KIF24: variants seen among roughly 807,000 people sequenced by gnomAD.
KIF24 encodes kinesin family member 24.
A neutral mutation model predicts 118.9 loss-of-function variants in KIF24; 81 were observed. The ratio of observed to expected loss-of-function variants is 0.68; its 90% confidence interval spans 0.57 to 0.82. The LOEUF is 0.82. Among genes scored for constraint, KIF24 ranks in the 40% least tolerant of loss-of-function variants. The pLI, the probability that KIF24 is intolerant of heterozygous loss-of-function variation, is 0.00. For synonymous variants in KIF24, 599 were observed against 610.0 expected (o/e 0.98, Z 0.27); for missense variants, 1,560 against 1,661.6 (o/e 0.94, Z 1.06).
At chr9:34,292,002 C>A (rs1039742525) in intron 4 of KIF24, among the ~76,000 whole-genome samples, 1 of 152,160 alleles carries the variant, frequency 6.6e-6, no homozygotes, top group African/African-American at 2.4e-5. Flanking sequence ...TGGTCTTCAC[C>A]TTAAAACAGT....
chr9:34,284,407 C>T (rs1303540463), intron 6 of KIF24, among the ~76,000 whole-genome samples: 1 of 152,140 alleles, frequency 6.6e-6, no homozygotes, highest in Non-Finnish European at 1.5e-5. Context: ...AGCTGCAATG[C>T]TCCAAATAAC....
At chr9:34,306,173 G>A (rs1211424405) in intron 3 of KIF24, 79 bp downstream of exon 3, 1 of 883,282 alleles carries the variant, frequency 1.1e-6, no homozygotes, top group Non-Finnish European at 1.8e-6. Context: ...AAACTTGTAT[G>A]CCACCACTCA....
In KIF24 at chr9:34,257,339, A is replaced by T. The variant is rs1834891558; in HGVS notation, c.2268T>A (p.His756Gln). ...GCAGATGTTCCTCCCTCTCCTTCTG[A>T]TGTGGCGGGATGTTTGTCCAAGCTT... ...ASEAWTNIPP[H>Q]QKEREEHLRF... The change falls in exon 11 of 13, where the codon CAT (histidine) becomes CAA (glutamine). Residue 756 changes from histidine to glutamine, a missense_variant. This residue lies in a region of KIF24 where 964 missense variants were observed against 988.0 expected (regional missense o/e 0.98). Transcript: ENST00000402558. 1 of 1,613,878 alleles carries T rather than the reference A, an allele frequency of 6.2e-7. No homozygotes were observed.
chr9:34,311,081 T>C lies in KIF24; in HGVS notation c.266A>G (p.Glu89Gly). ...CTGTCTGCGAGGGCCAGATCTTAAT[T>C]CCTGAGATTTGATGCGCAGGCTGCT... ...QTSSLRIKSQ[E>G]LRSGPRRQLN... Residue 89 changes from glutamate to glycine, a missense_variant, in exon 2 of 13, where the codon GAA (glutamate) becomes GGA (glycine). Physicochemically the swap from Glu to Gly is moderately conservative, Grantham distance 98. This residue lies in a region of KIF24 where 964 missense variants were observed against 988.0 expected (regional missense o/e 0.98). Transcript: ENST00000402558. 3.1e-6 allele frequency: 5 copies of C among 1,613,862 alleles called. No homozygotes were observed. The African/African-American group carries it at 6.7e-5, about 22-fold the overall frequency.
intron 4 of KIF24, among the ~76,000 whole-genome samples, chr9:34,296,273 T>C (rs1274015564): frequency 2.1e-5 from 3 of 142,760 alleles, no homozygotes; most frequent in Non-Finnish European, 4.5e-5. Context: ...ACGCCTGTAA[T>C]CCCAGTACTT....
chr9:34,268,600 T>C (rs1835383449), intron 8 of KIF24, among the ~76,000 whole-genome samples: 1 of 149,496 alleles, frequency 6.7e-6, no homozygotes, highest in Admixed American at 6.8e-5. Context: ...CTCCACCTCC[T>C]GGGTTCAAGC....
rs11381710 is a variant in KIF24 at position 34,297,760 on chromosome 9, T to TAA, written c.814-648_814-647dup. ...CTGAGTGACAGAGCGAGATTCCATT[T>TAA]AAAAAAAAAAAAAAAGAATTTTGGA... On this transcript the variant is annotated intron_variant, in intron 3 of 12. Coordinates refer to ENST00000402558, the MANE Select transcript of KIF24 (RefSeq NM_194313.4). 3.4e-4 allele frequency among the ~76,000 whole-genome samples: 48 copies of TAA among 142,478 alleles called. 1 individual carries two copies. The highest frequency in any genetic ancestry group is 1.3e-3 in the South Asian group (6 of 4,526). 93.5% of individuals were successfully genotyped at this position (142,478 alleles called of 152,430 possible).
intron 7 of KIF24, 54 bp from the exon 8 acceptor site, chr9:34,269,416 T>G: frequency 1.2e-6 from 1 of 832,264 alleles, no homozygotes. Context: ...TTTATTTTAT[T>G]TTATTTTTAT....
chr9:34,324,490 G>A (rs1240287143), intron 1 of KIF24, among the ~76,000 whole-genome samples: 1 of 152,018 alleles, frequency 6.6e-6, no homozygotes, highest in Admixed American at 6.6e-5. Flanking sequence ...TACCACCACT[G>A]CTCTGGTGAT....
chr9:34,313,758 T>C (rs12339321), intron 1 of KIF24, among the ~76,000 whole-genome samples: 3,421 of 150,596 alleles, frequency 0.023, 161 homozygotes, highest in African/African-American at 0.079. Flanking sequence ...TTTTGTTTTT[T>C]TTTTTTTGAG....
At chr9:34,307,415 C>A (rs76760300) in intron 2 of KIF24, among the ~76,000 whole-genome samples, 27,587 of 150,192 alleles carry the variant, frequency 0.18, 2,765 homozygotes, top group East Asian at 0.46. Flanking sequence ...AAAAAAAAAA[C>A]CAGCAAATAA....
intron 6 of KIF24, among the ~76,000 whole-genome samples, chr9:34,284,451 C>G (rs967579447): frequency 6.6e-6 from 1 of 152,030 alleles, no homozygotes; most frequent in Non-Finnish European, 1.5e-5. Context: ...TGTTTATTAA[C>G]AGGAGAATGG....
intron 6 of KIF24, among the ~76,000 whole-genome samples, chr9:34,275,737 G>T (rs1835636003): frequency 6.6e-6 from 1 of 152,108 alleles, no homozygotes; most frequent in Non-Finnish European, 1.5e-5. Context: ...CTACTTGGGA[G>T]GCTGAGGCAG....
chr9:34,306,817 A>C (rs979873954), intron 2 of KIF24, among the ~76,000 whole-genome samples: 11 of 151,950 alleles, frequency 7.2e-5, no homozygotes, highest in African/African-American at 2.7e-4. Context: ...AAAAAAAAGT[A>C]TTGGTACATT....
chr9:34,292,902 A>G (rs543706873), intron 4 of KIF24, among the ~76,000 whole-genome samples: 1 of 152,294 alleles, frequency 6.6e-6, no homozygotes, highest in African/African-American at 2.4e-5. Flanking sequence ...CTTTTTCAAA[A>G]AGCAACAATA....
At position 34,318,895 on chromosome 9, in the gene KIF24, T is replaced by C. The variant is rs1837420922; in HGVS notation, c.-25-7524A>G. On this transcript the variant is annotated intron_variant, in intron 1 of 12. Transcript: ENST00000402558. The surrounding 1 kb of genome is among the most constrained non-coding windows in gnomAD (Gnocchi z 4.9). The stretch of plus-strand genomic sequence containing the variant: ...GCGAGCACTCCAAGATCAATTTCCA[T>C]GACAAGCGCAGTGCGCTGCAGTCCA... 20 of 1,597,632 alleles carry C rather than the reference T, an allele frequency of 1.3e-5. No individual in the cohort carries two copies. Among genetic ancestry groups the C allele is most frequent in the Admixed American group, 3.3e-5 (2 of 59,956 alleles).
intron 3 of KIF24, among the ~76,000 whole-genome samples, chr9:34,297,691 G>A (rs1176219216): frequency 6.6e-6 from 1 of 151,896 alleles, no homozygotes; most frequent in Admixed American, 6.6e-5. Context: ...GAACCCAGGA[G>A]GTGGAGCTTG....
At chr9:34,311,405 T>G (rs757885553) in intron 1 of KIF24, 34 bp from the exon 2 acceptor site, 2 of 1,151,642 alleles carry the variant, frequency 1.7e-6, no homozygotes, top group East Asian at 2.5e-5. Flanking sequence ...TCGCTTGAAA[T>G]AGAGTACATG....
chr9:34,278,619 T>C (rs1409607012), intron 6 of KIF24, among the ~76,000 whole-genome samples: 2 of 150,984 alleles, frequency 1.3e-5, no homozygotes, highest in Non-Finnish European at 2.9e-5. Flanking sequence ...AGAGAGAATC[T>C]ATTTGGGGGA....
Sources: allele counts gnomAD v4.1 joint callset (sites outside exome capture counted in the v4.1 genomes callset), GRCh38; gene constraint gnomAD v4.1.1; regional missense constraint gnomAD v4.1.1; non-coding constraint Gnocchi (gnomAD v3.1); transcripts MANE v1.5; gene names NCBI Gene and HGNC (gene_info 2026-07-23, HGNC 2026-07-21).